APEH: variants seen among roughly 807,000 people sequenced by gnomAD.
The protein encoded by APEH is acylamino-acid-releasing enzyme.
APEH carries 75 observed loss-of-function variants against 102.7 expected under a neutral mutation model. The ratio of observed to expected loss-of-function variants is 0.73; its 90% CI spans 0.61 to 0.89. The LOEUF is 0.89. Ranked by LOEUF, APEH falls within the 40% of genes least tolerant of loss-of-function variation. The probability of loss-of-function intolerance (pLI) is 0.00; values close to 1 mark genes in which losing one functional copy is unlikely to be tolerated. For synonymous variants in APEH, 344 were observed against 362.7 expected (o/e 0.95, Z 0.59); for missense variants, 863 against 941.2 (o/e 0.92, Z 1.09).
At chr3:49,675,419 C>G in intron 3 of APEH, 110 bp downstream of exon 3, 1 of 1,464,168 alleles carries the variant, frequency 6.8e-7, no homozygotes, top group Non-Finnish European at 9.2e-7. Flanking sequence ...CAGGTTCTTG[C>G]CCCCTTGGGA....
rs761002625 is a variant in APEH at position 49,675,305 on chromosome 3, G to A, written c.268G>A (p.Gly90Arg). 6.2e-7 allele frequency: 1 copy of A among 1,613,760 alleles called. No individual in the cohort carries two copies. The highest frequency in any genetic ancestry group is 8.5e-7 in the Non-Finnish European group (1 of 1,179,866). ...TGCAGGCAACAGTGTGGAGACCCGG[G>A]GGGAGTAAGTTTGAGGGAGGAAGCT... ...GPAGNSVETR[G>R]ELLSRESPSG... The change falls in exon 3 of 22, where the codon GGG becomes AGG. Residue 90 changes from glycine (G) to arginine (R), a missense_variant. Physicochemically the swap from Gly to Arg is moderately radical, Grantham distance 125. Transcript: ENST00000296456.
upstream of APEH, chr3:49,674,300 G>A: frequency 7.0e-7 from 1 of 1,421,454 alleles, no homozygotes; most frequent in Admixed American, 2.3e-5. Flanking sequence ...TTGCCGCAGG[G>A]CAGGGGCGGA....
In APEH at chr3:49,678,878, C is replaced by T; in HGVS notation, c.1087C>T (p.Leu363Phe). The change falls in exon 12 of 22, where the codon CTT becomes TTT. Residue 363 changes from leucine (L) to phenylalanine (F), a missense_variant. Coordinates refer to ENST00000296456, the MANE Select transcript of APEH (RefSeq NM_001640.4). ...GENFSGIYCS[L>F]LPLGCWSADS... is the part of the protein sequence containing the mutation. ...GAACTTCTCTGGGATCTACTGCAGC[C>T]TTCTGCCTTTGGGATGCTGGTCAGC... The T allele has an allele frequency of 6.2e-7, 1 of 1,613,912 alleles. No homozygotes were observed. Among genetic ancestry groups the T allele is most frequent in the Non-Finnish European group, 8.5e-7 (1 of 1,179,904 alleles).
intron 11 of APEH, among the ~76,000 whole-genome samples, chr3:49,677,882 G>A (rs954940170): frequency 1.3e-5 from 2 of 152,170 alleles, no homozygotes; most frequent in Non-Finnish European, 2.9e-5. Flanking sequence ...GGCCCAAGTT[G>A]ATGATGTATT....
chr3:49,680,729 G>C (rs1416377300), intron 14 of APEH, 100 bp downstream of exon 14: 2 of 1,100,284 alleles, frequency 1.8e-6, no homozygotes, highest in Non-Finnish European at 2.7e-6. Context: ...TGGCTGGTCA[G>C]CATACAGACG....
rs1289778306 is a variant in APEH at position 49,674,496 on chromosome 3, T to A, written c.20T>A (p.Leu7Gln). ...GGTGTGTCCCCTGCGCAGGTGCTGC[T>A]GAGCGAGCCCGAGGAGGCGGCGGCT... MERQVLLSEPEEAAALY... is the reference protein window; with the variant it reads MERQVLQSEPEEAAALY... Residue 7 changes from leucine (L) to glutamine (Q), a missense_variant, in exon 2 of 22, where the codon CTG (leucine) becomes CAG (glutamine). Transcript: ENST00000296456. 15 of 1,570,482 alleles carry A rather than the reference T, an allele frequency of 9.6e-6. No individual in the cohort carries two copies. The highest frequency in any genetic ancestry group is 1.3e-5 in the Non-Finnish European group (15 of 1,164,800).
At position 49,678,807 on chromosome 3, in the gene APEH, C is replaced by T. The variant is rs371041162; in HGVS notation, c.1061-45C>T. 470 of 1,503,916 alleles carry T rather than the reference C, an allele frequency of 3.1e-4. 1 individual carries two copies. In the Middle Eastern group the frequency reaches 4.6e-3, roughly 15 times the overall value. 93.2% of individuals were successfully genotyped at this position (1,503,916 alleles called of 1,614,324 possible). On this transcript the variant is annotated intron_variant, in intron 11 of 21. Coordinates refer to ENST00000296456, the MANE Select transcript of APEH (RefSeq NM_001640.4). Reference sequence around the variant, plus strand: ...TAGCCTTCCTTGTAGACTACCCTCCCTACCTCCACTCCTGGATGCAGCCTC... The same window carrying T: ...TAGCCTTCCTTGTAGACTACCCTCCTTACCTCCACTCCTGGATGCAGCCTC...
At chr3:49,674,324 G>T, upstream of APEH, 1 of 1,508,690 alleles carries the variant, frequency 6.6e-7, no homozygotes. Flanking sequence ...AGCCCGGGCC[G>T]TCCCAGGCTC....
chr3:49,681,589 C>T (rs749925331), intron 15 of APEH, 133 bp from the exon 16 acceptor site: 8 of 786,412 alleles, frequency 1.0e-5, no homozygotes, highest in Non-Finnish European at 1.4e-5. Flanking sequence ...TTCTGGGGTC[C>T]ATGTGTCATG....
chr3:49,675,541 C>A, intron 3 of APEH, 153 bp from the exon 4 acceptor site: 1 of 972,776 alleles, frequency 1.0e-6, no homozygotes, highest in Non-Finnish European at 1.6e-6. Flanking sequence ...AGAGTCTCTG[C>A]CTCAGGGAGG....
chr3:49,680,334 G>C (rs2053261084), intron 13 of APEH: 1 of 553,482 alleles, frequency 1.8e-6, no homozygotes, highest in Non-Finnish European at 3.3e-6. Context: ...GCAGTTCCCA[G>C]CCCAGCCAGT....
chr3:49,683,473 G>A lies in APEH; in HGVS notation c.*131G>A. ...CGGATGCGTGGGCAGAGGAATGTGG[G>A]CTATGTAGTCATAATAAATTAGGAC... On this transcript the variant is annotated 3_prime_UTR_variant, in exon 22 of 22. Transcript: ENST00000296456. 3 of 755,072 alleles carry A rather than the reference G, an allele frequency of 4.0e-6. No individual in the cohort carries two copies. Among genetic ancestry groups the A allele is most frequent in the East Asian group, 2.6e-5 (1 of 38,192 alleles). 46.8% of individuals were successfully genotyped at this position (755,072 alleles called of 1,614,324 possible).
At chr3:49,675,049 C>T in intron 2 of APEH, 134 bp from the exon 3 acceptor site, 1 of 1,257,338 alleles carries the variant, frequency 8.0e-7, no homozygotes, top group Non-Finnish European at 1.1e-6. Context: ...AGCCTGCAGC[C>T]AGGGTGTCAG....
At chr3:49,675,350 G>A (rs367827749) in intron 3 of APEH, 41 bp downstream of exon 3, 74 of 1,608,354 alleles carry the variant, frequency 4.6e-5, no homozygotes, top group South Asian at 3.2e-4. Context: ...GGCCACAGCC[G>A]TCCGCAATGC....
rs754821280 is a variant in APEH, at chr3:49,679,546, G to A, written c.1159-47G>A. 1.9e-6 allele frequency: 3 copies of A among 1,601,868 alleles called. No homozygotes were observed. The highest frequency in any genetic ancestry group is 1.7e-6 in the Non-Finnish European group (2 of 1,169,444). On this transcript the variant is annotated intron_variant, in intron 12 of 21. Transcript: ENST00000296456. The surrounding 1 kb of genome is among the most constrained non-coding windows in gnomAD (Gnocchi z 4.3). ...TAGGGGAGGGACCCATAGGTAGAGG[G>A]AGTACTCTTGGATGTGGTCGCACCT... is the stretch of plus-strand genomic sequence containing the variant.
At position 49,674,633 on chromosome 3, in the gene APEH, A is replaced by G. The variant is rs1239967106; in HGVS notation, c.145+12A>G. The G allele has an allele frequency of 6.3e-7, 1 of 1,587,162 alleles. No homozygotes were observed. Among genetic ancestry groups the G allele is most frequent in the Non-Finnish European group, 8.5e-7 (1 of 1,176,132 alleles). On this transcript the variant is annotated intron_variant, in intron 2 of 21. Coordinates refer to ENST00000296456, the MANE Select transcript of APEH (RefSeq NM_001640.4). ...GACGGTGCACACTGGTGTGTGTGCG[A>G]AGGGGAACTGGCTGGCGACGGGGTC...
At chr3:49,682,794 C>T (rs1174643726) in intron 19 of APEH, 49 bp from the exon 20 acceptor site, 1 of 1,613,198 alleles carries the variant, frequency 6.2e-7, no homozygotes, top group African/African-American at 1.3e-5. Flanking sequence ...TCTCATGGAG[C>T]CCCGTAGCCC....
In APEH at chr3:49,683,484, A is replaced by G; in HGVS notation, c.*142A>G. 3 of 699,644 alleles carry G rather than the reference A, an allele frequency of 4.3e-6. No individual in the cohort carries two copies. The highest frequency in any genetic ancestry group is 7.3e-6 in the Non-Finnish European group (3 of 410,030). The allele number at this position is 699,644 out of a possible 1,614,324, so 43.3% of individuals were successfully genotyped here. ...GCAGAGGAATGTGGGCTATGTAGTC[A>G]TAATAAATTAGGACACAGAGCCTGG... On this transcript the variant is annotated 3_prime_UTR_variant, in exon 22 of 22. Transcript: ENST00000296456.
Position 49,674,606 on chromosome 3 carries a change from C to T in APEH, c.130C>T (p.Arg44Trp). 1.3e-6 allele frequency: 2 copies of T among 1,584,568 alleles called. No individual in the cohort carries two copies. The highest frequency in any genetic ancestry group is 1.7e-6 in the Non-Finnish European group (2 of 1,174,848). ...EVTTQYGGQYRTVHTEWTQRD... is the reference protein window; with the variant it reads ...EVTTQYGGQYWTVHTEWTQRD... ...CACCACGCAGTACGGCGGCCAATAC[C>T]GGACGGTGCACACTGGTGTGTGTGC... Residue 44 changes from arginine (R) to tryptophan (W), a missense_variant, in exon 2 of 22, where the codon CGG (arginine) becomes TGG (tryptophan). By Grantham distance (101) the Arg-to-Trp change is moderately radical. Transcript: ENST00000296456.
Sources: allele counts gnomAD v4.1 joint callset (sites outside exome capture counted in the v4.1 genomes callset), GRCh38; gene constraint gnomAD v4.1.1; non-coding constraint Gnocchi (gnomAD v3.1); transcripts MANE v1.5; gene names NCBI Gene and HGNC (gene_info 2026-07-23, HGNC 2026-07-21).